The following POC1B variants were observed in gnomAD, a reference collection of about 807,000 sequenced individuals.
POC1B encodes POC1 centriolar protein homolog B.
A neutral mutation model predicts 60.6 loss-of-function variants in POC1B; 44 were observed. That is an observed-to-expected ratio of 0.73 (90% CI 0.57 to 0.93). The LOEUF is 0.93. Among genes scored for constraint, POC1B ranks in the 40% least tolerant of loss-of-function variants. The probability of loss-of-function intolerance (pLI) is 0.00; values close to 1 mark genes in which losing one functional copy is unlikely to be tolerated. For synonymous variants in POC1B, 180 were observed against 198.9 expected, an observed-to-expected ratio of 0.90 and a Z score of 0.80; for missense variants, 555 against 572.3, an observed-to-expected ratio of 0.97 and a Z score of 0.31.
intron 4 of POC1B, among the ~76,000 whole-genome samples, chr12:89,488,023 T>C (rs1868738209): frequency 6.6e-6 from 1 of 152,212 alleles, no homozygotes; most frequent in African/African-American, 2.4e-5. Context: ...TTAATATAGC[T>C]ATATGGTACA....
In POC1B at chr12:89,522,436, G is replaced by A. The variant is rs542374201; in HGVS notation, c.100+2684C>T. 1.5e-4 allele frequency: 54 copies of A among 365,356 alleles called. No homozygotes were observed. The East Asian group carries it at 2.0e-3, about 14-fold the overall frequency. The allele number at this position is 365,356 out of a possible 1,614,324, so 22.6% of individuals were successfully genotyped here. A position where few individuals can be genotyped will look rare whatever the true frequency, so the allele number is the denominator to read the frequency against. The stretch of plus-strand genomic sequence containing the variant: ...CATTCATGAGTTTTGTTAAAAAGTG[G>A]GATGTGCGGTGAACTTACACATCAA... On this transcript the variant is annotated intron_variant, in intron 2 of 11. Coordinates refer to ENST00000313546, the MANE Select transcript of POC1B (RefSeq NM_172240.3).
At chr12:89,503,121 G>A (rs926533554) in intron 2 of POC1B, among the ~76,000 whole-genome samples, 5 of 118,600 alleles carry the variant, frequency 4.2e-5, no homozygotes, top group African/African-American at 1.5e-4. Flanking sequence ...CTCTCCCCAC[G>A]GTCTCCCTCT....
intron 3 of POC1B, 27 bp downstream of exon 3, chr12:89,497,144 T>C: frequency 1.2e-6 from 2 of 1,605,570 alleles, no homozygotes; most frequent in Non-Finnish European, 1.7e-6. Flanking sequence ...ATCCAAAGGA[T>C]ATCAAGTGTT....
At chr12:89,457,210 C>T (rs1882295288) in intron 10 of POC1B, among the ~76,000 whole-genome samples, 2 of 152,102 alleles carry the variant, frequency 1.3e-5, no homozygotes, top group Non-Finnish European at 2.9e-5. Flanking sequence ...GAAATAAATC[C>T]CCTTTACAAT....
At chr12:89,406,427 A>G in the POC1B span, among the ~76,000 whole-genome samples, 2 of 152,068 alleles carry the variant, frequency 1.3e-5, no homozygotes, top group Non-Finnish European at 2.9e-5. Flanking sequence ...TCCACTTGAT[A>G]TATGATTAAC....
At chr12:89,459,796 G>A (rs1021334450) in intron 9 of POC1B, 78 bp from the exon 10 acceptor site, 23 of 779,316 alleles carry the variant, frequency 3.0e-5, no homozygotes, top group Middle Eastern at 3.8e-4. Flanking sequence ...AACCTGGAGG[G>A]CATTTTCTAA....
intron 7 of POC1B, among the ~76,000 whole-genome samples, chr12:89,468,593 A>G (rs1882770894): frequency 6.6e-6 from 1 of 152,174 alleles, no homozygotes; most frequent in African/African-American, 2.4e-5. Context: ...GTGTTTTCCT[A>G]CTGAAAGACT....
intron 2 of POC1B, among the ~76,000 whole-genome samples, chr12:89,518,189 A>AT (rs1870555485): frequency 6.6e-6 from 1 of 151,748 alleles, no homozygotes; most frequent in Non-Finnish European, 1.5e-5. Flanking sequence ...TCAGGAGCTC[A>AT]TTTCACCTTT....
chr12:89,435,782 C>G (rs1212073430), intron 10 of POC1B, among the ~76,000 whole-genome samples: 1 of 152,022 alleles, frequency 6.6e-6, no homozygotes, highest in Non-Finnish European at 1.5e-5. Flanking sequence ...TTCAAAAATA[C>G]TTTTCATAGA....
In POC1B at chr12:89,419,990, G is replaced by A. The variant is rs1880463783; in HGVS notation, c.*1163C>T. The A allele has an allele frequency of 1.3e-5, 2 of 152,024 alleles. No individual in the cohort carries two copies. The highest frequency in any genetic ancestry group is 4.1e-4 in the South Asian group (2 of 4,828). 9.4% of individuals were successfully genotyped at this position (152,024 alleles called of 1,614,324 possible). On this transcript the variant is annotated 3_prime_UTR_variant, in exon 12 of 12. Coordinates refer to ENST00000313546, the MANE Select transcript of POC1B (RefSeq NM_172240.3). ...TCTAAATATAGAAATAAATAGGACG[G>A]CACTATTTCTTCTTTTCCAAAACAC...
the POC1B span, among the ~76,000 whole-genome samples, chr12:89,405,727 G>A: frequency 6.6e-6 from 1 of 152,044 alleles, no homozygotes; most frequent in Non-Finnish European, 1.5e-5. Flanking sequence ...GGTCGAGATG[G>A]GAGGATGGCT....
At chr12:89,408,192 T>C in the POC1B span, among the ~76,000 whole-genome samples, 37 of 152,346 alleles carry the variant, frequency 2.4e-4, no homozygotes, top group African/African-American at 8.7e-4. Context: ...ACATTTTCTT[T>C]AGCCAGTCTA....
intron 2 of POC1B, chr12:89,523,297 C>G: frequency 1.9e-6 from 3 of 1,614,050 alleles, no homozygotes; most frequent in African/African-American, 1.3e-5. Context: ...GCATCTCAAC[C>G]GCTCTCGTAG....
intron 3 of POC1B, 28 bp downstream of exon 3, chr12:89,497,143 A>C: frequency 6.2e-7 from 1 of 1,605,362 alleles, no homozygotes. Flanking sequence ...AATCCAAAGG[A>C]TATCAAGTGT....
intron 9 of POC1B, among the ~76,000 whole-genome samples, chr12:89,460,209 T>C (rs1226521797): frequency 6.6e-6 from 1 of 152,144 alleles, no homozygotes; most frequent in East Asian, 1.9e-4. Flanking sequence ...CATTTCTGCA[T>C]TCTAGCACAC....
chr12:89,450,539 G>T (rs112050579), intron 10 of POC1B, among the ~76,000 whole-genome samples: 3,768 of 152,012 alleles, frequency 0.025, 74 homozygotes, highest in Non-Finnish European at 0.036. Flanking sequence ...ATTACCTAAG[G>T]ATCAATTTTA....
rs1203764102 is a variant in POC1B, at chr12:89,473,553, CA to C, written c.453-1279del. Among the ~76,000 whole-genome samples, 3 of 149,986 alleles carry C rather than the reference CA, an allele frequency of 2.0e-5. No individual in the cohort carries two copies. The Admixed American group carries it at 2.0e-4, about 10-fold the overall frequency. The stretch of plus-strand genomic sequence containing the variant: ...GCAGGTGCCTGTAATCCCAGCTACT[CA>C]GGAGGCTGAGGCAGGAAAACCACCT... On this transcript the variant is annotated intron_variant, in intron 4 of 11. Transcript: ENST00000313546.
intron 1 of POC1B, 59 bp downstream of exon 1, chr12:89,525,822 C>T (rs1053808694): frequency 7.1e-7 from 1 of 1,400,418 alleles, no homozygotes; most frequent in Non-Finnish European, 9.3e-7. Flanking sequence ...GGACCTGGCC[C>T]CGCAGCCCGC....
intron 2 of POC1B, chr12:89,521,054 T>C (rs1319741320): frequency 6.6e-6 from 1 of 152,108 alleles, no homozygotes; most frequent in Non-Finnish European, 1.5e-5. Flanking sequence ...CTAGAACTTC[T>C]TAACCCACAG....
Sources: allele counts gnomAD v4.1 joint callset (sites outside exome capture counted in the v4.1 genomes callset), GRCh38; gene constraint gnomAD v4.1.1; transcripts MANE v1.5; gene names NCBI Gene and HGNC (gene_info 2026-07-23, HGNC 2026-07-21).